Variants in LRRC4C observed in about 807,000 individuals in gnomAD.
LRRC4C encodes the protein leucine rich repeat containing 4C, also known as leucine-rich repeat-containing protein 4C.
Under a neutral mutation model 33.6 loss-of-function variants are expected in LRRC4C, and 5 were observed. That is an observed-to-expected ratio of 0.15 (90% CI 0.08 to 0.31). The LOEUF (loss-of-function observed/expected upper bound fraction) is 0.31, where lower values mean the gene tolerates loss of function less well. Ranked by LOEUF, LRRC4C falls within the 10% of genes least tolerant of loss-of-function variation. The probability of loss-of-function intolerance (pLI) is 1.00; values close to 1 mark genes in which losing one functional copy is unlikely to be tolerated. For synonymous variants in LRRC4C, 329 were observed against 302.0 expected (o/e 1.09, Z -0.93); for missense variants, 560 against 796.7 (o/e 0.70, Z 3.58).
intron 3 of LRRC4C, among the ~76,000 whole-genome samples, chr11:40,439,184 C>T (rs2137940447): frequency 6.6e-6 from 1 of 151,636 alleles, no homozygotes; most frequent in African/African-American, 2.4e-5. Context: ...TTGTGATCCA[C>T]CCACCTTGGC....
Position 40,767,327 on chromosome 11 carries a change from C to A in LRRC4C, c.-406-119049G>T, listed in dbSNP as rs973390119. On this transcript the variant is annotated intron_variant, in intron 2 of 6. Coordinates refer to ENST00000528697, the MANE Select transcript of LRRC4C (RefSeq NM_001258419.2). ...CAATGGATCACCCAGATATATAAAGCAAATATTGTTAGAGCTAAAGATAGA... is the reference window on the plus strand; with the variant it reads ...CAATGGATCACCCAGATATATAAAGAAAATATTGTTAGAGCTAAAGATAGA... 1.4e-4 allele frequency among the ~76,000 whole-genome samples: 22 copies of A among 152,038 alleles called. 1 individual carries two copies. In the South Asian group the frequency reaches 4.6e-3, roughly 32 times the overall value.
At chr11:40,220,078 T>C (rs1325482624) in intron 5 of LRRC4C, among the ~76,000 whole-genome samples, 1 of 152,238 alleles carries the variant, frequency 6.6e-6, no homozygotes, top group Non-Finnish European at 1.5e-5. Flanking sequence ...CACTTCACTT[T>C]AGAGGGAATT....
chr11:41,265,348 T>C (rs545580481), intron 1 of LRRC4C, among the ~76,000 whole-genome samples: 3 of 152,184 alleles, frequency 2.0e-5, no homozygotes, highest in East Asian at 1.9e-4. Context: ...AAAGACACTA[T>C]AGCAGAGAGG....
chr11:40,570,808 C>T (rs2135562928), intron 3 of LRRC4C, among the ~76,000 whole-genome samples: 1 of 152,022 alleles, frequency 6.6e-6, no homozygotes, highest in East Asian at 1.9e-4. Flanking sequence ...GATGTGCTAT[C>T]AGCCATTATG....
Position 41,245,212 on chromosome 11 carries a change from C to T in LRRC4C, c.-496+214219G>A, listed in dbSNP as rs573098627. ...TGGGGTGTCACTTTCTGGCCAGAGA[C>T]CTCTGTGGCCAGTGGTGACTATGCC... On this transcript the variant is annotated intron_variant, in intron 1 of 6. Coordinates refer to ENST00000528697, the MANE Select transcript of LRRC4C (RefSeq NM_001258419.2). Among the ~76,000 whole-genome samples the T allele has an allele frequency of 1.1e-4, 17 of 152,294 alleles. No individual in the cohort carries two copies. The East Asian group carries it at 2.7e-3, about 24-fold the overall frequency.
chr11:40,647,730 G>A (rs1447627125), intron 3 of LRRC4C, among the ~76,000 whole-genome samples: 5 of 152,150 alleles, frequency 3.3e-5, no homozygotes, highest in African/African-American at 1.2e-4. Context: ...CACTGCCCCA[G>A]TTTCAAAGAA....
At chr11:40,534,386 A>G (rs1032387064) in intron 3 of LRRC4C, among the ~76,000 whole-genome samples, 4 of 152,150 alleles carry the variant, frequency 2.6e-5, no homozygotes, top group African/African-American at 7.2e-5. Context: ...GTTATTTTAA[A>G]ACATCTGTGC....
At chr11:40,388,326 G>A (rs1300841884) in intron 3 of LRRC4C, among the ~76,000 whole-genome samples, 1 of 152,098 alleles carries the variant, frequency 6.6e-6, no homozygotes, top group Non-Finnish European at 1.5e-5. Context: ...CAATTGCCTT[G>A]TTTTATTGAG....
intron 1 of LRRC4C, among the ~76,000 whole-genome samples, chr11:41,393,225 G>T (rs983883035): frequency 2.6e-5 from 4 of 151,818 alleles, no homozygotes; most frequent in African/African-American, 9.7e-5. Flanking sequence ...CGCTCATATT[G>T]TTTACGGGAA....
intron 4 of LRRC4C, among the ~76,000 whole-genome samples, chr11:40,280,756 A>G (rs1729421207): frequency 6.6e-6 from 1 of 152,150 alleles, no homozygotes; most frequent in Non-Finnish European, 1.5e-5. Context: ...TTCAATTAAC[A>G]TATCGCCACA....
At chr11:41,017,811 A>T (rs1332207742) in intron 1 of LRRC4C, among the ~76,000 whole-genome samples, 1 of 150,550 alleles carries the variant, frequency 6.6e-6, no homozygotes, top group East Asian at 1.9e-4. Context: ...ATAATATATA[A>T]AACATATGGC....
intron 1 of LRRC4C, among the ~76,000 whole-genome samples, chr11:41,435,925 G>T (rs2138470193): frequency 6.6e-6 from 1 of 152,300 alleles, no homozygotes; most frequent in South Asian, 2.1e-4. Flanking sequence ...ACATTTCCCG[G>T]CCGGGAGTGG....
intron 3 of LRRC4C, among the ~76,000 whole-genome samples, chr11:40,506,861 T>C (rs952588258): frequency 2.0e-5 from 3 of 152,104 alleles, no homozygotes; most frequent in Non-Finnish European, 4.4e-5. Flanking sequence ...GGTGTCATTT[T>C]AAATGACTGA....
rs199951838 is a variant in LRRC4C at position 41,432,185 on chromosome 11, C to T, written c.-496+27246G>A. Among the ~76,000 whole-genome samples the T allele has an allele frequency of 2.6e-5, 4 of 152,274 alleles. No individual in the cohort carries two copies. In the East Asian group the frequency reaches 5.8e-4, roughly 22 times the overall value. The stretch of plus-strand genomic sequence containing the variant: ...AAACAAGGTAAATTAAGTACCTACC[C>T]ATCTATGGGTATTGCTTCAGGATTC... On this transcript the variant is annotated intron_variant, in intron 1 of 6. Transcript: ENST00000528697.
intron 2 of LRRC4C, among the ~76,000 whole-genome samples, chr11:40,868,414 G>T (rs1337733270): frequency 3.3e-5 from 5 of 152,138 alleles, no homozygotes; most frequent in African/African-American, 9.7e-5. Flanking sequence ...AGTCCTGTTT[G>T]TTCTCATTCC....
intron 5 of LRRC4C, among the ~76,000 whole-genome samples, chr11:40,219,341 C>G (rs1283889301): frequency 6.6e-6 from 1 of 152,128 alleles, no homozygotes; most frequent in Non-Finnish European, 1.5e-5. Context: ...CACGTATACA[C>G]TTTGTATATT....
intron 3 of LRRC4C, among the ~76,000 whole-genome samples, chr11:40,419,738 G>T (rs1565369708): frequency 6.6e-6 from 1 of 152,188 alleles, no homozygotes; most frequent in Non-Finnish European, 1.5e-5. Flanking sequence ...TAAAAAAATT[G>T]ATAGGCTCCA....
At chr11:40,736,088 C>T (rs34965353) in intron 2 of LRRC4C, among the ~76,000 whole-genome samples, 39,181 of 151,720 alleles carry the variant, frequency 0.26, 5,510 homozygotes, top group African/African-American at 0.35. Flanking sequence ...TAGGTGTACA[C>T]GTGCCATGGT....
At chr11:41,216,850 C>T (rs1392330526) in intron 1 of LRRC4C, among the ~76,000 whole-genome samples, 2 of 152,110 alleles carry the variant, frequency 1.3e-5, no homozygotes, top group African/African-American at 4.8e-5. Flanking sequence ...AAATAATAAA[C>T]TATAAAAGAA....
Sources: gnomAD v4.1 joint callset for allele counts (sites outside exome capture counted in the v4.1 genomes callset) on GRCh38, gnomAD v4.1.1 for gene constraint, MANE v1.5 for transcripts, NCBI Gene and HGNC (gene_info 2026-07-23, HGNC 2026-07-21) for gene names.